IL17RD: variants seen among roughly 807,000 people sequenced by gnomAD.
IL17RD encodes the protein interleukin-17 receptor D.
Under a neutral mutation model 80.5 loss-of-function variants are expected in IL17RD, and 52 were observed. That is an observed-to-expected ratio of 0.65 (90% CI 0.52 to 0.81). The LOEUF is 0.81. Ranked by LOEUF, IL17RD falls within the 40% of genes least tolerant of loss-of-function variation. The probability of loss-of-function intolerance (pLI) is 0.00; values close to 1 mark genes in which losing one functional copy is unlikely to be tolerated. For synonymous variants in IL17RD, 416 were observed against 391.8 expected, an observed-to-expected ratio of 1.06 and a Z score of -0.73; for missense variants, 1,024 against 955.1, an observed-to-expected ratio of 1.07 and a Z score of -0.95.
Position 57,098,398 on chromosome 3 carries a change from G to T in IL17RD, c.1305C>A (p.Tyr435Ter). 1 of 1,613,976 alleles carries T rather than the reference G, an allele frequency of 6.2e-7. No homozygotes were observed. The highest frequency in any genetic ancestry group is 8.5e-7 in the Non-Finnish European group (1 of 1,179,884). ...AGCCTCGGCCACCTCCTTTGTGTTTGTAGTTCTTCTTGTCCACAAAGTACT... is the reference window on the plus strand; with the variant it reads ...AGCCTCGGCCACCTCCTTTGTGTTTTTAGTTCTTCTTGTCCACAAAGTACT... ...GMKYFVDKKNYKHKGGGRGSG... is the reference protein window; with the variant it reads ...GMKYFVDKKN Residue 435 changes from tyrosine to a stop codon, truncating the protein, a stop_gained, in exon 12 of 13, where the codon TAC (tyrosine) becomes TAA (stop). Transcript: ENST00000296318. LOFTEE classifies it high-confidence loss of function.
chr3:57,161,549 G>A (rs960706957), intron 1 of IL17RD, among the ~76,000 whole-genome samples: 9 of 152,222 alleles, frequency 5.9e-5, no homozygotes, highest in Non-Finnish European at 1.0e-4. Flanking sequence ...CTTGCAGGGG[G>A]AGTAGGAATT....
chr3:57,110,307 G>T lies in IL17RD; in HGVS notation c.315C>A (p.Ile105=), dbSNP rs1266778241. The T allele has an allele frequency of 6.3e-7, 1 of 1,594,992 alleles. No individual in the cohort carries two copies. Among genetic ancestry groups the T allele is most frequent in the Non-Finnish European group, 8.5e-7 (1 of 1,169,914 alleles). Residue 105 remains isoleucine, a synonymous_variant, in exon 4 of 13, where the codon ATC becomes ATA. Coordinates refer to ENST00000296318, the MANE Select transcript of IL17RD (RefSeq NM_017563.5). Reference sequence around the variant, plus strand: ...TTACCCGAAATCCTTTCAGGAATTCGATGCCTAAGCAAAGCAGAATGCTTT... The same window carrying T: ...TTACCCGAAATCCTTTCAGGAATTCTATGCCTAAGCAAAGCAGAATGCTTT... ...TILWSPGALG[I]EFLKGFRVIL...
At chr3:57,166,935 C>G (rs946610473), upstream of IL17RD, among the ~76,000 whole-genome samples, 1 of 152,214 alleles carries the variant, frequency 6.6e-6, no homozygotes, top group Admixed American at 6.5e-5. Context: ...GTGTCTCCAC[C>G]ACCCTGCCCA....
chr3:57,104,539 C>T (rs970357886), intron 7 of IL17RD, 132 bp from the exon 8 acceptor site: 25 of 639,202 alleles, frequency 3.9e-5, no homozygotes, highest in Admixed American at 2.5e-4. Flanking sequence ...GTGATTAGAT[C>T]GAAAAGCAAC....
chr3:57,112,620 A>G lies in IL17RD; in HGVS notation c.310+2072T>C, dbSNP rs138507544. On this transcript the variant is annotated intron_variant, in intron 3 of 12. Transcript: ENST00000296318. ...CTTAACCATTTAAGCCTTACATGGA[A>G]TGACCACTTCCTTTTTATCTACAGA... 1.7e-3 allele frequency among the ~76,000 whole-genome samples: 258 copies of G among 152,356 alleles called. 1 individual carries two copies. Among genetic ancestry groups the G allele is most frequent in the African/African-American group, 6.1e-3 (253 of 41,592 alleles).
chr3:57,156,559 G>A (rs1367897015), intron 1 of IL17RD, among the ~76,000 whole-genome samples: 1 of 152,014 alleles, frequency 6.6e-6, no homozygotes, highest in African/African-American at 2.4e-5. Flanking sequence ...CAGAGACCCT[G>A]TCTCTGGAAA....
At chr3:57,139,470 C>A (rs977299227) in intron 1 of IL17RD, among the ~76,000 whole-genome samples, 40 of 149,906 alleles carry the variant, frequency 2.7e-4, no homozygotes, top group Non-Finnish European at 5.3e-4. Flanking sequence ...ATTATATATA[C>A]AAATATGTGT....
At chr3:57,146,880 C>A in intron 1 of IL17RD, among the ~76,000 whole-genome samples, 1 of 119,686 alleles carries the variant, frequency 8.4e-6, no homozygotes, top group South Asian at 2.4e-4. Context: ...TGCAATGGCA[C>A]AATCTTGACT....
intron 2 of IL17RD, among the ~76,000 whole-genome samples, chr3:57,119,798 G>A (rs1221530881): frequency 6.6e-6 from 1 of 152,094 alleles, no homozygotes; most frequent in Non-Finnish European, 1.5e-5. Context: ...CACTATTCTT[G>A]GAAATCAATT....
chr3:57,123,066 G>A (rs568150854), intron 1 of IL17RD, among the ~76,000 whole-genome samples: 1 of 152,282 alleles, frequency 6.6e-6, no homozygotes, highest in South Asian at 2.1e-4. Context: ...GCTATGCCAT[G>A]CATTCAAGAA....
chr3:57,166,153 T>C (rs151129350), upstream of IL17RD, among the ~76,000 whole-genome samples: 150 of 152,278 alleles, frequency 9.9e-4, 1 homozygote, highest in African/African-American at 3.6e-3. Flanking sequence ...GCCCAAGCTA[T>C]CCAGAGTTTC....
At chr3:57,152,597 CTTG>C (rs1320899096) in intron 1 of IL17RD, among the ~76,000 whole-genome samples, 1 of 152,190 alleles carries the variant, frequency 6.6e-6, no homozygotes, top group Non-Finnish European at 1.5e-5. Flanking sequence ...AGAATAACAA[CTTG>C]TTGCTTTTTG....
At chr3:57,114,171 G>A (rs1030394200) in intron 3 of IL17RD, among the ~76,000 whole-genome samples, 1 of 145,824 alleles carries the variant, frequency 6.9e-6, no homozygotes, top group East Asian at 2.0e-4. Flanking sequence ...GTGAAAGAGC[G>A]AAACTATGTC....
At chr3:57,134,510 G>A (rs1707679860) in intron 1 of IL17RD, 2 of 1,270,348 alleles carry the variant, frequency 1.6e-6, no homozygotes, top group Non-Finnish European at 2.3e-6. Context: ...GCCTGTACCT[G>A]AAGGTGAAGG....
At chr3:57,097,004 CA>C (rs200974175) in intron 12 of IL17RD, among the ~76,000 whole-genome samples, 19,050 of 99,934 alleles carry the variant, frequency 0.19, 1,511 homozygotes, top group East Asian at 0.41. Flanking sequence ...GACTCCATCT[CA>C]AAAAAAAAAA....
chr3:57,118,577 A>C (rs1559473498), intron 2 of IL17RD, among the ~76,000 whole-genome samples: 2 of 152,168 alleles, frequency 1.3e-5, no homozygotes. Flanking sequence ...AAATGATCAC[A>C]ATTCTATACA....
chr3:57,112,614 C>T (rs982819396), intron 3 of IL17RD, among the ~76,000 whole-genome samples: 1 of 152,244 alleles, frequency 6.6e-6, no homozygotes, highest in Non-Finnish European at 1.5e-5. Flanking sequence ...TTAAGCCTTA[C>T]ATGGAATGAC....
chr3:57,102,018 A>ACTTT (rs1706842378), intron 10 of IL17RD, among the ~76,000 whole-genome samples: 3 of 4,654 alleles, frequency 6.4e-4, no homozygotes, highest in Non-Finnish European at 4.1e-3. Flanking sequence ...CCAGCATGAG[A>ACTTT]GGGAGGCTGA....
chr3:57,093,276 T>G lies in IL17RD; in HGVS notation c.*3117A>C, dbSNP rs529687677. On this transcript the variant is annotated 3_prime_UTR_variant, in exon 13 of 13. Coordinates refer to ENST00000296318, the MANE Select transcript of IL17RD (RefSeq NM_017563.5). ...ACCAATAGAAAATAAAAAAGACTAG[T>G]AACCTTCACATTGGCATTGCCCATT... is the stretch of plus-strand genomic sequence containing the variant. The G allele has an allele frequency of 1.5e-4, 23 of 152,330 alleles. No individual in the cohort carries two copies. The highest frequency in any genetic ancestry group is 4.6e-4 in the African/African-American group (19 of 41,580). 9.4% of individuals were successfully genotyped at this position (152,330 alleles called of 1,614,324 possible).
Sources: gnomAD v4.1 joint callset for allele counts (sites outside exome capture counted in the v4.1 genomes callset) on GRCh38, gnomAD v4.1.1 for gene constraint, MANE v1.5 for transcripts, NCBI Gene and HGNC (gene_info 2026-07-23, HGNC 2026-07-21) for gene names.